Variants in GLRA3 observed in about 807,000 individuals in gnomAD.
GLRA3 encodes glycine receptor subunit alpha-3.
Under a neutral mutation model 60.4 loss-of-function variants are expected in GLRA3, and 44 were observed. The ratio of observed to expected loss-of-function variants is 0.73; its 90% CI spans 0.57 to 0.94. The LOEUF is 0.94. GLRA3 is among the 40% of genes least tolerant of loss of function. The pLI, the probability that GLRA3 is intolerant of heterozygous loss-of-function variation, is 0.00. For synonymous variants in GLRA3, 223 were observed against 192.9 expected, an observed-to-expected ratio of 1.16 and a Z score of -1.29; for missense variants, 508 against 564.6, an observed-to-expected ratio of 0.90 and a Z score of 1.02.
At chr4:174,814,409 C>T (rs939139145) in intron 1 of GLRA3, among the ~76,000 whole-genome samples, 1 of 152,296 alleles carries the variant, frequency 6.6e-6, no homozygotes, top group African/African-American at 2.4e-5. Context: ...CAAGCAGTCC[C>T]TCTGAAGTCA....
At chr4:174,684,028 A>G (rs921226232) in intron 5 of GLRA3, among the ~76,000 whole-genome samples, 1 of 152,120 alleles carries the variant, frequency 6.6e-6, no homozygotes, top group Non-Finnish European at 1.5e-5. Context: ...CAGACACATT[A>G]TATTTTTATC....
chr4:174,819,842 A>G (rs1740666750), intron 1 of GLRA3, among the ~76,000 whole-genome samples: 1 of 152,212 alleles, frequency 6.6e-6, no homozygotes, highest in African/African-American at 2.4e-5. Flanking sequence ...AAATTCAAGT[A>G]TGATACCTTG....
intron 1 of GLRA3, among the ~76,000 whole-genome samples, chr4:174,794,640 T>C (rs1441820859): frequency 1.3e-5 from 2 of 152,210 alleles, no homozygotes; most frequent in South Asian, 2.1e-4. Context: ...TGTTTAAATA[T>C]GACAAACTCA....
At chr4:174,784,324 C>G (rs1260972773) in intron 2 of GLRA3, among the ~76,000 whole-genome samples, 68 of 117,710 alleles carry the variant, frequency 5.8e-4, no homozygotes, top group African/African-American at 7.3e-4. Context: ...TTGTGGGGTG[C>G]GGGGAGGGGG....
chr4:174,787,907 A>G (rs1419079918), intron 2 of GLRA3, among the ~76,000 whole-genome samples: 1 of 151,920 alleles, frequency 6.6e-6, no homozygotes, highest in East Asian at 1.9e-4. Context: ...CAATCTTGAT[A>G]TTTTTTTACT....
intron 5 of GLRA3, among the ~76,000 whole-genome samples, chr4:174,687,255 TA>T (rs1734582954): frequency 6.6e-6 from 1 of 152,222 alleles, no homozygotes; most frequent in Admixed American, 6.5e-5. Flanking sequence ...TATCTTACAG[TA>T]AAAACAATGC....
intron 3 of GLRA3, among the ~76,000 whole-genome samples, chr4:174,762,148 G>GT (rs1291399945): frequency 2.0e-5 from 3 of 152,144 alleles, no homozygotes; most frequent in Non-Finnish European, 4.4e-5. Context: ...CTGGGTTTGT[G>GT]TGGGGGCGTT....
At chr4:174,725,195 C>T (rs749180045) in intron 4 of GLRA3, among the ~76,000 whole-genome samples, 16 of 152,200 alleles carry the variant, frequency 1.1e-4, no homozygotes, top group Non-Finnish European at 1.9e-4. Context: ...CCAGGCCCCA[C>T]GGCCAATCTA....
At chr4:174,702,871 T>C (rs1011657537) in intron 5 of GLRA3, among the ~76,000 whole-genome samples, 1 of 152,230 alleles carries the variant, frequency 6.6e-6, no homozygotes, top group African/African-American at 2.4e-5. Flanking sequence ...CATATTCATA[T>C]ATAAAGGACA....
chr4:174,767,558 G>T (rs1236598266), intron 2 of GLRA3, among the ~76,000 whole-genome samples: 1 of 152,100 alleles, frequency 6.6e-6, no homozygotes, highest in Non-Finnish European at 1.5e-5. Context: ...ATATGGTAAA[G>T]TTTTCATTTC....
chr4:174,672,740 G>A (rs77710939), intron 7 of GLRA3, among the ~76,000 whole-genome samples: 2,036 of 152,194 alleles, frequency 0.013, 40 homozygotes, highest in African/African-American at 0.046. Flanking sequence ...GTAAACCATT[G>A]AGATTCAGAA....
intron 5 of GLRA3, among the ~76,000 whole-genome samples, chr4:174,698,307 T>C (rs954631766): frequency 6.6e-6 from 1 of 152,134 alleles, no homozygotes; most frequent in Non-Finnish European, 1.5e-5. Flanking sequence ...TCCTCCCAAG[T>C]AGCTGGGACT....
chr4:174,791,087 T>C (rs1262168119), intron 1 of GLRA3, among the ~76,000 whole-genome samples: 1 of 151,818 alleles, frequency 6.6e-6, no homozygotes, highest in East Asian at 1.9e-4. Flanking sequence ...AACGTTATCC[T>C]AGATTATCAA....
chr4:174,749,461 A>C (rs1243209916), intron 3 of GLRA3, among the ~76,000 whole-genome samples: 1 of 152,128 alleles, frequency 6.6e-6, no homozygotes, highest in Non-Finnish European at 1.5e-5. Context: ...TGAATCCATT[A>C]AATGATAGGA....
intron 3 of GLRA3, among the ~76,000 whole-genome samples, chr4:174,736,391 T>C (rs1373297396): frequency 6.6e-6 from 1 of 152,134 alleles, no homozygotes; most frequent in East Asian, 1.9e-4. Context: ...ATTACAGTAT[T>C]ACGCAGCCAT....
chr4:174,745,349 ACTGT>A (rs1737201253), intron 3 of GLRA3, among the ~76,000 whole-genome samples: 1 of 152,206 alleles, frequency 6.6e-6, no homozygotes, highest in Non-Finnish European at 1.5e-5. Context: ...TTATAGGCAC[ACTGT>A]CTGAAGTCAA....
At chr4:174,729,172 T>C (rs767977490) in intron 3 of GLRA3, among the ~76,000 whole-genome samples, 36 of 152,320 alleles carry the variant, frequency 2.4e-4, no homozygotes, top group Middle Eastern at 3.4e-3. Context: ...AATTTTACTT[T>C]CTTGCTTTGT....
At chr4:174,755,828 T>A (rs188658485) in intron 3 of GLRA3, among the ~76,000 whole-genome samples, 83 of 152,130 alleles carry the variant, frequency 5.5e-4, no homozygotes, top group African/African-American at 2.0e-3. Flanking sequence ...AAGATAAACA[T>A]TAATTATAAA....
chr4:174,674,047 T>G (rs1454020015), intron 7 of GLRA3, among the ~76,000 whole-genome samples: 1 of 152,174 alleles, frequency 6.6e-6, no homozygotes, highest in African/African-American at 2.4e-5. Flanking sequence ...GCTACCAATC[T>G]TGCCAGATCA....
Sources: gnomAD v4.1 joint callset for allele counts (sites outside exome capture counted in the v4.1 genomes callset) on GRCh38, gnomAD v4.1.1 for gene constraint, MANE v1.5 for transcripts, NCBI Gene and HGNC (gene_info 2026-07-23, HGNC 2026-07-21) for gene names.